The following WDFY3 variants were observed in gnomAD, a reference collection of about 807,000 sequenced individuals.
The protein encoded by WDFY3 is WD repeat and FYVE domain-containing protein 3.
WDFY3 carries 66 observed loss-of-function variants against 409.6 expected under a neutral mutation model. The ratio of observed to expected loss-of-function variants is 0.16; its 90% confidence interval spans 0.13 to 0.20. WDFY3 has a LOEUF of 0.20. Among genes scored for constraint, WDFY3 ranks in the 10% least tolerant of loss-of-function variants. The probability of loss-of-function intolerance (pLI) is 1.00; values close to 1 mark genes in which losing one functional copy is unlikely to be tolerated. For missense variants in WDFY3, 3,031 were observed against 4,298.1 expected (o/e 0.71, Z 8.24); for synonymous variants, 1,521 against 1,537.1 (o/e 0.99, Z 0.25).
intron 24 of WDFY3, among the ~76,000 whole-genome samples, chr4:84,784,891 T>TATATATATATATACACACACAC (rs1238884117): frequency 8.1e-5 from 3 of 36,910 alleles, no homozygotes; most frequent in African/African-American, 1.5e-4. Flanking sequence ...TATATATATA[T>TATATATATATATACACACACAC]ACACACACAC....
chr4:84,766,069 A>T (rs2149391338), intron 31 of WDFY3, 42 bp from the exon 32 acceptor site: 1 of 1,579,350 alleles, frequency 6.3e-7, no homozygotes, highest in East Asian at 2.2e-5. Context: ...AAACAAAATT[A>T]ATTTCAGAAA....
intron 47 of WDFY3, among the ~76,000 whole-genome samples, chr4:84,718,805 T>G (rs1423706504): frequency 6.6e-6 from 1 of 152,130 alleles, no homozygotes; most frequent in African/African-American, 2.4e-5. Flanking sequence ...CGGGTGTACT[T>G]TATGTAGGCC....
chr4:84,749,917 C>A (rs183117668), intron 36 of WDFY3, among the ~76,000 whole-genome samples: 28 of 152,262 alleles, frequency 1.8e-4, no homozygotes, highest in Non-Finnish European at 2.9e-4. Flanking sequence ...ATATCAAATT[C>A]TTCCTACTAA....
intron 3 of WDFY3, among the ~76,000 whole-genome samples, chr4:84,866,178 C>G (rs1057251638): frequency 1.2e-4 from 19 of 152,124 alleles, no homozygotes; most frequent in Non-Finnish European, 2.4e-4. Flanking sequence ...AATCAGATTC[C>G]TCCTTTGCTC....
At chr4:84,825,033 C>G (rs542184217) in intron 10 of WDFY3, among the ~76,000 whole-genome samples, 1 of 152,262 alleles carries the variant, frequency 6.6e-6, no homozygotes, top group Non-Finnish European at 1.5e-5. Context: ...GATAGCCTTA[C>G]TTTCATAGAC....
At chr4:84,811,281 G>A (rs1409037583) in intron 13 of WDFY3, among the ~76,000 whole-genome samples, 4 of 152,168 alleles carry the variant, frequency 2.6e-5, no homozygotes, top group Admixed American at 6.6e-5. Context: ...TTACAGGCGT[G>A]AGCCACCGCC....
At chr4:84,712,133 C>T (rs749941020) in intron 51 of WDFY3, among the ~76,000 whole-genome samples, 9 of 151,544 alleles carry the variant, frequency 5.9e-5, no homozygotes, top group Non-Finnish European at 1.3e-4. Flanking sequence ...AGACCACCCA[C>T]GCCAACATGG....
chr4:84,869,780 C>A (rs1253464597), intron 3 of WDFY3, among the ~76,000 whole-genome samples: 6 of 152,018 alleles, frequency 3.9e-5, no homozygotes, highest in African/African-American at 1.4e-4. Flanking sequence ...ACTCAACTAC[C>A]CTAGAGCATA....
chr4:84,771,453 C>G (rs1744666890), intron 30 of WDFY3, among the ~76,000 whole-genome samples: 1 of 152,174 alleles, frequency 6.6e-6, no homozygotes, highest in African/African-American at 2.4e-5. Flanking sequence ...ATTTTTTATA[C>G]TTGAAATAAA....
At chr4:84,714,848 G>T (rs1029269323) in intron 50 of WDFY3, among the ~76,000 whole-genome samples, 16 of 151,792 alleles carry the variant, frequency 1.1e-4, no homozygotes, top group African/African-American at 3.6e-4. Flanking sequence ...TACTCGGGAG[G>T]CTGAGGCAGG....
Position 84,821,485 on chromosome 4 carries a change from C to G in WDFY3, c.1190G>C (p.Ser397Thr), listed in dbSNP as rs2071982729. Reference sequence around the variant, plus strand: ...ATCAAGGATGATTTGGGCAAGGAAGCTGGTTTTTGCTTTTAAAAATGCATT... The same window carrying G: ...ATCAAGGATGATTTGGGCAAGGAAGGTGGTTTTTGCTTTTAAAAATGCATT... The part of the protein sequence containing the change: ...LQNAFLKAKT[S>T]FLAQIILDAI... Residue 397 changes from serine (S) to threonine (T), a missense_variant, in exon 11 of 68, where the codon AGC (serine) becomes ACC (threonine). Ser to Thr is a moderately conservative substitution (Grantham distance 58, BLOSUM62 1). Around this residue, in one of 16 missense-constraint regions of WDFY3, gnomAD observed 1,322 missense variants for 1,697.9 expected, o/e 0.78. Transcript: ENST00000295888. The G allele has an allele frequency of 1.2e-6, 2 of 1,613,692 alleles. No individual in the cohort carries two copies. Among genetic ancestry groups the G allele is most frequent in the South Asian group, 2.2e-5 (2 of 91,090 alleles).
chr4:84,770,839 A>G (rs1436410929), intron 30 of WDFY3, among the ~76,000 whole-genome samples: 2 of 152,186 alleles, frequency 1.3e-5, no homozygotes, highest in Non-Finnish European at 2.9e-5. Context: ...TCTTACTGCC[A>G]CAGTTTTCAT....
intron 53 of WDFY3, among the ~76,000 whole-genome samples, chr4:84,707,867 C>T (rs1732229836): frequency 1.3e-5 from 2 of 152,142 alleles, no homozygotes; most frequent in Non-Finnish European, 2.9e-5. Context: ...TACACCCATG[C>T]ATATAGGGTG....
chr4:84,961,035 T>C (rs1358145360), intron 1 of WDFY3, among the ~76,000 whole-genome samples: 2 of 151,926 alleles, frequency 1.3e-5, no homozygotes, highest in African/African-American at 4.8e-5. Flanking sequence ...GCTAACATGG[T>C]GAAACCCTGT....
rs1271476327 is a variant in WDFY3 at position 84,801,681 on chromosome 4, C to T, written c.2791G>A (p.Ala931Thr). ...PPLQRMFERL[A>T]SQALEPMVLR... Reference sequence around the variant, plus strand: ...ACCATGGGTTCCAGAGCCTGAGAGGCTAATCGTTCAAACATCCGCTGCAGG... The same window carrying T: ...ACCATGGGTTCCAGAGCCTGAGAGGTTAATCGTTCAAACATCCGCTGCAGG... The change falls in exon 17 of 68, where the codon GCC (alanine) becomes ACC (threonine). Residue 931 changes from alanine (A) to threonine (T), a missense_variant. By Grantham distance (58) the Ala-to-Thr change is moderately conservative. Around this residue, in one of 16 missense-constraint regions of WDFY3, gnomAD observed 1,322 missense variants for 1,697.9 expected, o/e 0.78. Coordinates refer to ENST00000295888, the MANE Select transcript of WDFY3 (RefSeq NM_014991.6). 1 of 1,611,948 alleles carries T rather than the reference C, an allele frequency of 6.2e-7. No individual in the cohort carries two copies.
chr4:84,697,326 A>G (rs1048495553), intron 56 of WDFY3, among the ~76,000 whole-genome samples: 1 of 152,200 alleles, frequency 6.6e-6, no homozygotes, highest in Non-Finnish European at 1.5e-5. Flanking sequence ...TAGGTTCTCA[A>G]AAGAGCTCTG....
At position 84,730,028 on chromosome 4, in the gene WDFY3, G is replaced by A. The variant is rs541089810; in HGVS notation, c.7222-3117C>T. Among the ~76,000 whole-genome samples, 168 of 152,196 alleles carry A rather than the reference G, an allele frequency of 1.1e-3. 2 individuals are homozygous for A. Among genetic ancestry groups the A allele is most frequent in the African/African-American group, 3.8e-3 (157 of 41,540 alleles). The stretch of plus-strand genomic sequence containing the variant: ...AAAGAACTGATTGATCTCTAACTCT[G>A]GGAGGCAATATTTTTTAATATAGAT... On this transcript the variant is annotated intron_variant, in intron 44 of 67. Coordinates refer to ENST00000295888, the MANE Select transcript of WDFY3 (RefSeq NM_014991.6).
At position 84,696,716 on chromosome 4, in the gene WDFY3, A is replaced by C; in HGVS notation, c.8688+16T>G. The C allele has an allele frequency of 6.2e-7, 1 of 1,611,146 alleles. No individual in the cohort carries two copies. The highest frequency in any genetic ancestry group is 8.5e-7 in the Non-Finnish European group (1 of 1,178,106). On this transcript the variant is annotated intron_variant, in intron 57 of 67. Coordinates refer to ENST00000295888, the MANE Select transcript of WDFY3 (RefSeq NM_014991.6). Reference sequence around the variant, plus strand: ...AAATGAAATTCAACTTCAATTGTAAAATGTACTTCCATTACCTCACGATGG... The same window carrying C: ...AAATGAAATTCAACTTCAATTGTAACATGTACTTCCATTACCTCACGATGG...
chr4:84,774,730 C>G, intron 29 of WDFY3, 90 bp downstream of exon 29: 2 of 1,339,770 alleles, frequency 1.5e-6, no homozygotes, highest in South Asian at 1.5e-5. Context: ...ATTACACAGT[C>G]ATAAAAACCA....
Sources: gnomAD v4.1 joint callset for allele counts (sites outside exome capture counted in the v4.1 genomes callset) on GRCh38, gnomAD v4.1.1 for gene constraint, gnomAD v4.1.1 regional missense constraint, MANE v1.5 for transcripts, NCBI Gene and HGNC (gene_info 2026-07-23, HGNC 2026-07-21) for gene names.